Variants in AKT3 observed in about 807,000 individuals in gnomAD.
AKT3 encodes the protein AKT serine/threonine kinase 3, also known as RAC-gamma serine/threonine-protein kinase.
In AKT3, 15 loss-of-function variants were observed where a neutral mutation model predicts 65.3. That is an observed-to-expected ratio of 0.23 (90% confidence interval 0.15 to 0.35). AKT3 has a LOEUF of 0.35. Among genes scored for constraint, AKT3 ranks in the 10% least tolerant of loss-of-function variants. The pLI is 1.00. For synonymous variants in AKT3, 206 were observed against 183.8 expected, an observed-to-expected ratio of 1.12 and a Z score of -0.98; for missense variants, 243 against 576.5, an observed-to-expected ratio of 0.42 and a Z score of 5.92.
chr1:243,633,145 CA>C (rs1217234817), intron 6 of AKT3, among the ~76,000 whole-genome samples: 1 of 152,110 alleles, frequency 6.6e-6, no homozygotes, highest in Non-Finnish European at 1.5e-5. Flanking sequence ...AAGAATCCAG[CA>C]AAACTATCTT....
intron 4 of AKT3, among the ~76,000 whole-genome samples, chr1:243,647,387 C>A (rs944059656): frequency 6.6e-6 from 1 of 152,136 alleles, no homozygotes; most frequent in African/African-American, 2.4e-5. Context: ...CTGTGAGCAA[C>A]AGGCTACACC....
chr1:243,633,089 G>A (rs945279271), intron 6 of AKT3, among the ~76,000 whole-genome samples: 1 of 152,136 alleles, frequency 6.6e-6, no homozygotes, highest in African/African-American at 2.4e-5. Context: ...AGGCCAGAAG[G>A]CAATTGGTTG....
intron 5 of AKT3, among the ~76,000 whole-genome samples, chr1:243,639,713 T>A (rs1274165442): frequency 6.6e-6 from 1 of 152,142 alleles, no homozygotes; most frequent in African/African-American, 2.4e-5. Context: ...TCAGGAGTAA[T>A]CCACCCCTTG....
intron 3 of AKT3, among the ~76,000 whole-genome samples, chr1:243,678,569 A>T (rs1459813703): frequency 1.3e-5 from 2 of 152,244 alleles, no homozygotes; most frequent in Non-Finnish European, 2.9e-5. Context: ...CACTACATTA[A>T]GATTTCACAT....
intron 4 of AKT3, among the ~76,000 whole-genome samples, chr1:243,662,323 T>C (rs1682418684): frequency 6.6e-6 from 1 of 152,096 alleles, no homozygotes; most frequent in Non-Finnish European, 1.5e-5. Flanking sequence ...CCAACAATGA[T>C]AGACTGGATG....
intron 2 of AKT3, among the ~76,000 whole-genome samples, chr1:243,761,583 G>A (rs1227003894): frequency 6.6e-6 from 1 of 152,092 alleles, no homozygotes; most frequent in Admixed American, 6.6e-5. Flanking sequence ...GGTACAAAAT[G>A]GGTGAACCCT....
At chr1:243,767,161 T>A (rs1380033909) in intron 2 of AKT3, among the ~76,000 whole-genome samples, 26 of 152,124 alleles carry the variant, frequency 1.7e-4, no homozygotes, top group Admixed American at 1.7e-3. Flanking sequence ...AGTCACATTA[T>A]GTAGGTATCA....
At chr1:243,594,345 C>G (rs541462059) in intron 8 of AKT3, among the ~76,000 whole-genome samples, 1 of 152,114 alleles carries the variant, frequency 6.6e-6, no homozygotes, top group Non-Finnish European at 1.5e-5. Context: ...CAATCATAAT[C>G]AAAGTTACAG....
intron 2 of AKT3, among the ~76,000 whole-genome samples, chr1:243,747,628 T>C (rs1688555227): frequency 6.6e-6 from 1 of 152,186 alleles, no homozygotes; most frequent in African/African-American, 2.4e-5. Flanking sequence ...GGAGATATCT[T>C]CAATGAACAG....
At chr1:243,497,870 TGA>T (rs1193864632), downstream of AKT3, among the ~76,000 whole-genome samples, 2 of 152,104 alleles carry the variant, frequency 1.3e-5, no homozygotes, top group African/African-American at 4.8e-5. Context: ...TTTGTAGAGA[TGA>T]GGTCTCACTA....
At chr1:243,755,373 C>G (rs556835718) in intron 2 of AKT3, among the ~76,000 whole-genome samples, 13 of 151,972 alleles carry the variant, frequency 8.6e-5, no homozygotes, top group Admixed American at 8.5e-4. Flanking sequence ...CGTGCCCGGT[C>G]TCCTTTTTAA....
intron 8 of AKT3, among the ~76,000 whole-genome samples, chr1:243,595,264 A>G (rs1356127126): frequency 1.3e-5 from 2 of 152,188 alleles, no homozygotes; most frequent in African/African-American, 4.8e-5. Context: ...TACAGTAAAA[A>G]TATGATATAG....
chr1:243,692,663 G>A (rs112667458), intron 3 of AKT3, among the ~76,000 whole-genome samples: 6,552 of 152,086 alleles, frequency 0.043, 484 homozygotes, highest in African/African-American at 0.15. Flanking sequence ...ACTTGAACCC[G>A]GAAGGCGGAG....
chr1:243,626,377 G>T (rs1256697886), intron 6 of AKT3, among the ~76,000 whole-genome samples: 6 of 152,216 alleles, frequency 3.9e-5, no homozygotes. Flanking sequence ...ACTATCAGAA[G>T]TTAGGTTTAC....
At chr1:243,636,938 A>G (rs918556725) in intron 6 of AKT3, among the ~76,000 whole-genome samples, 1 of 152,160 alleles carries the variant, frequency 6.6e-6, no homozygotes, top group Non-Finnish European at 1.5e-5. Context: ...ATAGTAGCAA[A>G]TAACTGGAAG....
chr1:243,800,494 C>T (rs533854814), intron 2 of AKT3, among the ~76,000 whole-genome samples: 36 of 152,166 alleles, frequency 2.4e-4, no homozygotes, highest in East Asian at 1.9e-3. Flanking sequence ...CCAAGGTGGG[C>T]GGATCACGAG....
intron 2 of AKT3, among the ~76,000 whole-genome samples, chr1:243,784,896 G>A (rs1320134643): frequency 2.0e-5 from 3 of 152,014 alleles, no homozygotes; most frequent in Non-Finnish European, 4.4e-5. Context: ...GAGTAGCTGG[G>A]ACTACAGGAG....
intron 11 of AKT3, among the ~76,000 whole-genome samples, chr1:243,547,445 G>T (rs1479604297): frequency 6.6e-6 from 1 of 152,066 alleles, no homozygotes; most frequent in African/African-American, 2.4e-5. Context: ...TTGAGAGCTG[G>T]TATATGCTAA....
At chr1:243,527,895 ACAC>A (rs1671233526) in intron 12 of AKT3, among the ~76,000 whole-genome samples, 1 of 108,420 alleles carries the variant, frequency 9.2e-6, no homozygotes, top group Admixed American at 1.0e-4. Context: ...ACACACACAC[ACAC>A]ACACACACAC....
Sources: allele counts gnomAD v4.1 joint callset (sites outside exome capture counted in the v4.1 genomes callset), GRCh38; gene constraint gnomAD v4.1.1; transcripts MANE v1.5; gene names NCBI Gene and HGNC (gene_info 2026-07-23, HGNC 2026-07-21).